ABCA13: variants seen among roughly 807,000 people sequenced by gnomAD.
ABCA13 encodes ATP-binding cassette sub-family A member 13.
A neutral mutation model predicts 478.7 loss-of-function variants in ABCA13; 476 were observed. That is an observed-to-expected ratio of 0.99 (90% CI 0.92 to 1.07). The LOEUF is 1.07. ABCA13 is among the 50% of genes least tolerant of loss of function. The pLI is 0.00. For synonymous variants in ABCA13, 2,252 were observed against 2,158.9 expected (o/e 1.04, Z -1.20); for missense variants, 6,060 against 5,910.6 (o/e 1.03, Z -0.83).
intron 58 of ABCA13, among the ~76,000 whole-genome samples, chr7:48,601,690 C>T (rs1246435980): frequency 6.6e-6 from 1 of 152,172 alleles, no homozygotes; most frequent in Non-Finnish European, 1.5e-5. Context: ...CATATGTGTG[C>T]ATGTGTCATC....
At position 48,289,408 on chromosome 7, in the gene ABCA13, G is replaced by T. The variant is rs1423635666; in HGVS notation, c.8955+1330G>T. The stretch of plus-strand genomic sequence containing the variant: ...GAGTCTTGCACTGTTGCCTGGGCTG[G>T]AGTGCAATGGTGCAATCTCGGCTCA... On this transcript the variant is annotated intron_variant, in intron 20 of 61. Transcript: ENST00000435803. Among the ~76,000 whole-genome samples, 11 of 149,918 alleles carry T rather than the reference G, an allele frequency of 7.3e-5. 1 individual carries two copies. Among genetic ancestry groups the T allele is most frequent in the Admixed American group, 7.3e-4 (11 of 15,108 alleles).
rs933619965 is a variant in ABCA13, at chr7:48,359,441, A to G, written c.10688+6954A>G. Among the ~76,000 whole-genome samples, 5 of 152,000 alleles carry G rather than the reference A, an allele frequency of 3.3e-5. 1 individual carries two copies. Among genetic ancestry groups the G allele is most frequent in the African/African-American group, 1.2e-4 (5 of 41,260 alleles). On this transcript the variant is annotated intron_variant, in intron 31 of 61. Transcript: ENST00000435803. ...TGCGGAAGGCAGCGGAGACAGAGCT[A>G]GCAAGTGACAGGGGCAACATGAGTG... is the stretch of plus-strand genomic sequence containing the variant.
At chr7:48,554,239 A>G (rs1785574725) in intron 55 of ABCA13, among the ~76,000 whole-genome samples, 1 of 152,006 alleles carries the variant, frequency 6.6e-6, no homozygotes, top group Admixed American at 6.6e-5. Flanking sequence ...TCTGTAGTAT[A>G]TTTTGAAGTC....
At chr7:48,427,188 C>G (rs918832187) in intron 41 of ABCA13, among the ~76,000 whole-genome samples, 2 of 152,168 alleles carry the variant, frequency 1.3e-5, no homozygotes, top group African/African-American at 4.8e-5. Context: ...ATTTTTGCTA[C>G]TTTAGTCATA....
At chr7:48,597,843 A>T (rs1032025535) in intron 58 of ABCA13, among the ~76,000 whole-genome samples, 4 of 152,266 alleles carry the variant, frequency 2.6e-5, no homozygotes, top group African/African-American at 9.6e-5. Context: ...AGGTACAGAA[A>T]TTTTTTAAAT....
intron 42 of ABCA13, among the ~76,000 whole-genome samples, chr7:48,431,375 CAACA>C (rs1822129442): frequency 1.3e-5 from 2 of 151,978 alleles, no homozygotes; most frequent in South Asian, 4.2e-4. Context: ...ACAACAACAA[CAACA>C]ACAACAACAA....
intron 27 of ABCA13, among the ~76,000 whole-genome samples, chr7:48,333,360 G>A (rs1388505162): frequency 1.3e-5 from 2 of 152,162 alleles, no homozygotes; most frequent in African/African-American, 4.8e-5. Context: ...AAGACAATTT[G>A]TAATTGCTTG....
intron 55 of ABCA13, among the ~76,000 whole-genome samples, chr7:48,574,576 A>G (rs1787982720): frequency 6.6e-6 from 1 of 152,198 alleles, no homozygotes; most frequent in Non-Finnish European, 1.5e-5. Context: ...CTAGAGTTAC[A>G]GGGTTTTTCT....
At chr7:48,619,886 C>A (rs1792965348) in intron 59 of ABCA13, among the ~76,000 whole-genome samples, 1 of 152,118 alleles carries the variant, frequency 6.6e-6, no homozygotes. Flanking sequence ...GGGCACCTAC[C>A]CTAGAGAGAC....
intron 38 of ABCA13, among the ~76,000 whole-genome samples, chr7:48,397,594 A>G (rs1009147780): frequency 6.6e-6 from 1 of 152,216 alleles, no homozygotes; most frequent in African/African-American, 2.4e-5. Flanking sequence ...GGAGAGCAGC[A>G]TTGGAAAATG....
At chr7:48,297,935 C>T (rs4265139) in intron 22 of ABCA13, among the ~76,000 whole-genome samples, 4,114 of 144,410 alleles carry the variant, frequency 0.028, 196 homozygotes, top group African/African-American at 0.098. Context: ...CCACCATGCC[C>T]GGCTATTTTT....
rs1043158015 is a variant in ABCA13 at position 48,278,070 on chromosome 7, G to A, written c.6900-24G>A. 1.8e-5 allele frequency: 14 copies of A among 768,006 alleles called. No individual in the cohort carries two copies. The African/African-American group carries it at 2.4e-4, about 13-fold the overall frequency. The allele number at this position is 768,006 out of a possible 1,614,324, so 47.6% of individuals were successfully genotyped here. ...TAATGTATTAAAAATTAAATTAAAA[G>A]TATATATATATATATATTTACAGTT... On this transcript the variant is annotated intron_variant, in intron 17 of 61. Coordinates refer to ENST00000435803, the MANE Select transcript of ABCA13 (RefSeq NM_152701.5).
At chr7:48,512,571 C>G (rs187727467) in intron 51 of ABCA13, among the ~76,000 whole-genome samples, 2 of 152,242 alleles carry the variant, frequency 1.3e-5, no homozygotes, top group Admixed American at 1.3e-4. Flanking sequence ...TGTCATGTCT[C>G]CCTCTATTTC....
chr7:48,426,124 C>T (rs1269723648), intron 41 of ABCA13, among the ~76,000 whole-genome samples: 5 of 152,170 alleles, frequency 3.3e-5, no homozygotes, highest in Admixed American at 2.6e-4. Flanking sequence ...GGCTGGCGCA[C>T]ACTCAGAAAT....
At chr7:48,288,727 A>G (rs1445761338) in intron 20 of ABCA13, among the ~76,000 whole-genome samples, 1 of 152,198 alleles carries the variant, frequency 6.6e-6, no homozygotes, top group East Asian at 1.9e-4. Flanking sequence ...AGTACCAAAA[A>G]TTGATGGCTG....
At chr7:48,582,655 G>A (rs545868151) in intron 56 of ABCA13, among the ~76,000 whole-genome samples, 4 of 152,146 alleles carry the variant, frequency 2.6e-5, no homozygotes, top group South Asian at 4.2e-4. Context: ...CCTCCCTCCC[G>A]GGGACCCTCA....
At chr7:48,528,932 C>G (rs1023106652) in intron 55 of ABCA13, among the ~76,000 whole-genome samples, 1 of 152,186 alleles carries the variant, frequency 6.6e-6, no homozygotes, top group African/African-American at 2.4e-5. Context: ...CAGATGACCC[C>G]TGCAGGCTCT....
intron 3 of ABCA13, among the ~76,000 whole-genome samples, chr7:48,204,783 C>T (rs1176296739): frequency 6.6e-6 from 1 of 152,208 alleles, no homozygotes; most frequent in Non-Finnish European, 1.5e-5. Context: ...GCTCGCGATG[C>T]AGCACCATGG....
chr7:48,221,359 T>C (rs1273062976), intron 5 of ABCA13, 50 bp downstream of exon 5: 2 of 909,808 alleles, frequency 2.2e-6, no homozygotes, highest in Non-Finnish European at 3.3e-6. Flanking sequence ...GACAGAATGG[T>C]TAAGTTTACA....
Sources: allele counts gnomAD v4.1 joint callset (sites outside exome capture counted in the v4.1 genomes callset), GRCh38; gene constraint gnomAD v4.1.1; transcripts MANE v1.5; gene names NCBI Gene and HGNC (gene_info 2026-07-23, HGNC 2026-07-21).